The following GRIK3 variants were observed in gnomAD, a reference collection of about 807,000 sequenced individuals.
GRIK3 encodes the protein glutamate ionotropic receptor kainate type subunit 3.
GRIK3 carries 29 observed loss-of-function variants against 102.5 expected under a neutral mutation model. The observed-to-expected ratio is 0.28, with a 90% CI of 0.21 to 0.39. The LOEUF (loss-of-function observed/expected upper bound fraction) is 0.39. Ranked by LOEUF, GRIK3 falls within the 10% of genes least tolerant of loss-of-function variation. GRIK3 has a pLI of 1.00. For missense variants in GRIK3, 908 were observed against 1,252.4 expected (o/e 0.73, Z 4.15); for synonymous variants, 511 against 504.9 (o/e 1.01, Z -0.16).
chr1:36,912,081 C>G (rs1031613431), intron 1 of GRIK3, among the ~76,000 whole-genome samples: 5 of 152,162 alleles, frequency 3.3e-5, no homozygotes, highest in Admixed American at 6.5e-5. Context: ...CATGCTGTTT[C>G]TCACCACTCC....
chr1:36,975,859 C>T (rs1477872765), intron 1 of GRIK3, among the ~76,000 whole-genome samples: 2 of 152,148 alleles, frequency 1.3e-5, no homozygotes, highest in Admixed American at 1.3e-4. Context: ...AGCAGTAAGC[C>T]GTCTACCCCA....
At position 36,985,671 on chromosome 1, in the gene GRIK3, C is replaced by T. The variant is rs115989544; in HGVS notation, c.115+48323G>A. Among the ~76,000 whole-genome samples the T allele has an allele frequency of 9.6e-3, 1,468 of 152,248 alleles. 22 individuals are homozygous for T. The highest frequency in any genetic ancestry group is 0.033 in the African/African-American group (1,354 of 41,536). On this transcript the variant is annotated intron_variant, in intron 1 of 15. Coordinates refer to ENST00000373091, the MANE Select transcript of GRIK3 (RefSeq NM_000831.4). The stretch of plus-strand genomic sequence containing the variant: ...GGGGCAGAGGAAAGGCCCAGGGATC[C>T]GGACCTTCCTCCTATACAACAGTGA...
At chr1:36,882,773 C>T (rs989917887) in intron 2 of GRIK3, among the ~76,000 whole-genome samples, 2 of 152,164 alleles carry the variant, frequency 1.3e-5, no homozygotes, top group Admixed American at 6.5e-5. Context: ...TAAAGAGGGG[C>T]GCCTGTCTGT....
In GRIK3 at chr1:36,907,421, C is replaced by T. The variant is rs557616701; in HGVS notation, c.116-16325G>A. Among the ~76,000 whole-genome samples, 5 of 152,140 alleles carry T rather than the reference C, an allele frequency of 3.3e-5. No homozygotes were observed. The South Asian group carries it at 6.2e-4, about 19-fold the overall frequency. The stretch of plus-strand genomic sequence containing the variant: ...CATGCATTTTTCATACAGTGATGTC[C>T]GATGCTGGGTTTTAAGTTGAGCCTC... On this transcript the variant is annotated intron_variant, in intron 1 of 15. Coordinates refer to ENST00000373091, the MANE Select transcript of GRIK3 (RefSeq NM_000831.4).
chr1:36,948,665 T>G (rs560000776), intron 1 of GRIK3, among the ~76,000 whole-genome samples: 2 of 152,274 alleles, frequency 1.3e-5, no homozygotes, highest in African/African-American at 4.8e-5. Flanking sequence ...GGGCCATCTG[T>G]GCACACAGCT....
At chr1:37,027,083 A>G (rs1251431494) in intron 1 of GRIK3, among the ~76,000 whole-genome samples, 1 of 152,104 alleles carries the variant, frequency 6.6e-6, no homozygotes, top group Non-Finnish European at 1.5e-5. Context: ...TCACCCCCAG[A>G]AAACCATGGC....
intron 1 of GRIK3, among the ~76,000 whole-genome samples, chr1:36,934,113 G>A (rs1444616440): frequency 2.6e-5 from 4 of 152,152 alleles, no homozygotes; most frequent in Non-Finnish European, 5.9e-5. Context: ...GTGAGTAGGT[G>A]GGACAAGTCT....
chr1:36,978,860 C>T (rs190267132), intron 1 of GRIK3, among the ~76,000 whole-genome samples: 27 of 152,306 alleles, frequency 1.8e-4, no homozygotes, highest in Admixed American at 1.4e-3. Context: ...GTAAGTCACA[C>T]GGCCAGCTAG....
At chr1:36,817,337 C>G (rs986476658) in intron 12 of GRIK3, 60 bp from the exon 13 acceptor site, 1 of 1,140,672 alleles carries the variant, frequency 8.8e-7, no homozygotes. Flanking sequence ...CTGCTCAAGT[C>G]CCCTGGGTCA....
chr1:36,928,839 G>A (rs1444222455), intron 1 of GRIK3, among the ~76,000 whole-genome samples: 2 of 152,224 alleles, frequency 1.3e-5, no homozygotes, highest in African/African-American at 4.8e-5. Context: ...AGATCAGGAT[G>A]TTCTCAAGGA....
In GRIK3 at chr1:36,850,381, A is replaced by G. The variant is rs1015927904; in HGVS notation, c.1256T>C (p.Val419Ala). The G allele has an allele frequency of 1.9e-6, 3 of 1,613,712 alleles. No homozygotes were observed. Among genetic ancestry groups the G allele is most frequent in the African/African-American group, 1.3e-5 (1 of 74,876 alleles). ...SPADGLNITEVAKGRGPNVTD... is the reference protein window; with the variant it reads ...SPADGLNITEAAKGRGPNVTD... ...GACATTAGGGCCTCGGCCTTTGGCA[A>G]CCTCAGTGATGTTGAGCCCGTCGGC... Residue 419 changes from valine to alanine, a missense_variant, in exon 9 of 16, where the codon GTT becomes GCT. By Grantham distance (64) the Val-to-Ala change is moderately conservative (BLOSUM62 0). Around this residue, in one of 3 missense-constraint regions of GRIK3, gnomAD observed 585 missense variants for 824.9 expected, o/e 0.71. Transcript: ENST00000373091. The surrounding 1 kb of genome is among the most constrained non-coding windows in gnomAD (Gnocchi z 4.0).
intron 1 of GRIK3, among the ~76,000 whole-genome samples, chr1:36,957,265 G>A (rs945096609): frequency 3.0e-4 from 46 of 152,224 alleles, no homozygotes; most frequent in African/African-American, 1.1e-3. Context: ...TGCTCTGTGA[G>A]CCTACCTGTT....
Position 36,796,697 on chromosome 1 carries a change from G to A in GRIK3, c.*5154C>T, listed in dbSNP as rs943813672. On this transcript the variant is annotated 3_prime_UTR_variant, in exon 16 of 16. Transcript: ENST00000373091. ...AGTGCTTTCCCTAGTTGTGAGCTGTGTTGTGTGCAAGTTGTGACTGCTTCT... is the reference window on the plus strand; with the variant it reads ...AGTGCTTTCCCTAGTTGTGAGCTGTATTGTGTGCAAGTTGTGACTGCTTCT... 6.6e-6 allele frequency: 1 copy of A among 152,280 alleles called. No individual in the cohort carries two copies. Among genetic ancestry groups the A allele is most frequent in the Non-Finnish European group, 1.5e-5 (1 of 68,100 alleles). 9.4% of individuals were successfully genotyped at this position (152,280 alleles called of 1,614,324 possible).
intron 1 of GRIK3, among the ~76,000 whole-genome samples, chr1:36,924,598 A>T (rs963676690): frequency 6.6e-6 from 1 of 152,048 alleles, no homozygotes; most frequent in Non-Finnish European, 1.5e-5. Flanking sequence ...AGAGCCTCCT[A>T]ATGCCTCCCA....
At chr1:36,908,993 A>G (rs891811361) in intron 1 of GRIK3, among the ~76,000 whole-genome samples, 2 of 152,318 alleles carry the variant, frequency 1.3e-5, no homozygotes, top group South Asian at 2.1e-4. Context: ...TCCACTCACT[A>G]CATTTAACAC....
At chr1:36,970,320 A>G (rs1464553476) in intron 1 of GRIK3, among the ~76,000 whole-genome samples, 2 of 152,188 alleles carry the variant, frequency 1.3e-5, no homozygotes, top group Non-Finnish European at 2.9e-5. Flanking sequence ...CCACCGTACC[A>G]TATCAGGCCT....
intron 1 of GRIK3, among the ~76,000 whole-genome samples, chr1:36,942,979 C>T (rs1641743959): frequency 6.6e-6 from 1 of 152,202 alleles, no homozygotes; most frequent in Admixed American, 6.5e-5. Context: ...ATAACAACTA[C>T]ATGAAGCTAT....
At position 36,817,008 on chromosome 1, in the gene GRIK3, G is replaced by C. The variant is rs57284831; in HGVS notation, c.2091+52C>G. On this transcript the variant is annotated intron_variant, in intron 13 of 15. Coordinates refer to ENST00000373091, the MANE Select transcript of GRIK3 (RefSeq NM_000831.4). ...CCCTTTCCTCTTCTGCTCAGTAAAG[G>C]GTCCGGAGAGGATCAGCTCACGGTG... 8.5e-3 allele frequency: 10,774 copies of C among 1,274,000 alleles called. 707 individuals are homozygous for C. The African/African-American group carries it at 0.14, about 16-fold the overall frequency. The allele number at this position is 1,274,000 out of a possible 1,614,324, so 78.9% of individuals were successfully genotyped here. A position where few individuals can be genotyped will look rare whatever the true frequency, so the allele number is the denominator to read the frequency against.
intron 1 of GRIK3, among the ~76,000 whole-genome samples, chr1:37,031,614 G>A (rs1642829071): frequency 6.6e-6 from 1 of 152,218 alleles, no homozygotes; most frequent in South Asian, 2.1e-4. Flanking sequence ...AGCTCAGCCG[G>A]CTCAGGTGCC....
Sources: allele counts gnomAD v4.1 joint callset (sites outside exome capture counted in the v4.1 genomes callset), GRCh38; gene constraint gnomAD v4.1.1; regional missense constraint gnomAD v4.1.1; non-coding constraint Gnocchi (gnomAD v3.1); transcripts MANE v1.5; gene names NCBI Gene and HGNC (gene_info 2026-07-23, HGNC 2026-07-21).